Variants in RIMS2 observed in about 807,000 individuals in gnomAD.
RIMS2 encodes the protein regulating synaptic membrane exocytosis 2, also known as regulating synaptic membrane exocytosis protein 2.
A neutral mutation model predicts 174.4 loss-of-function variants in RIMS2; 59 were observed. That is an observed-to-expected ratio of 0.34 (90% CI 0.27 to 0.42). RIMS2 has a LOEUF of 0.42. Ranked by LOEUF, RIMS2 falls within the 10% of genes least tolerant of loss-of-function variation. The pLI is 1.00. For missense variants in RIMS2, 1,620 were observed against 1,666.3 expected (o/e 0.97, Z 0.48); for synonymous variants, 606 against 572.5 (o/e 1.06, Z -0.84).
intron 19 of RIMS2, among the ~76,000 whole-genome samples, chr8:104,170,346 C>G (rs2098824908): frequency 6.6e-6 from 1 of 151,992 alleles, no homozygotes; most frequent in Admixed American, 6.6e-5. Flanking sequence ...AATTTGGGAT[C>G]TCCAGCATTA....
In RIMS2 at chr8:103,728,085, A is replaced by AT. The variant is rs1448453620; in HGVS notation, c.387+30796dup. On this transcript the variant is annotated intron_variant, in intron 2 of 23. Transcript: ENST00000504942. ...GTCCATGAACATGGAATATCTTTTC[A>AT]TTTTTTTGTGTGTGTTCTCTTCAAT... 1.3e-4 allele frequency among the ~76,000 whole-genome samples: 19 copies of AT among 151,806 alleles called. No individual in the cohort carries two copies. The East Asian group carries it at 2.7e-3, about 22-fold the overall frequency.
At chr8:103,573,713 A>G (rs1296443023) in intron 1 of RIMS2, among the ~76,000 whole-genome samples, 1 of 152,062 alleles carries the variant, frequency 6.6e-6, no homozygotes, top group Admixed American at 6.6e-5. Context: ...TTGGATCCAT[A>G]TGAATTTTAG....
chr8:103,739,340 A>C (rs2097729731), intron 2 of RIMS2, among the ~76,000 whole-genome samples: 1 of 152,134 alleles, frequency 6.6e-6, no homozygotes, highest in African/African-American at 2.4e-5. Flanking sequence ...GAGAACACTT[A>C]GACACAGGAA....
intron 1 of RIMS2, among the ~76,000 whole-genome samples, chr8:103,524,540 A>G (rs1349410004): frequency 1.3e-5 from 2 of 152,222 alleles, no homozygotes; most frequent in African/African-American, 4.8e-5. Flanking sequence ...CTGCAGGAAG[A>G]CACTACTGCT....
intron 19 of RIMS2, among the ~76,000 whole-genome samples, chr8:104,051,031 G>T (rs2096776744): frequency 6.6e-6 from 1 of 152,082 alleles, no homozygotes; most frequent in Admixed American, 6.5e-5. Context: ...GCGTCCAGGA[G>T]TTTGAGACCA....
At chr8:104,242,093 A>G (rs777178659) in intron 19 of RIMS2, among the ~76,000 whole-genome samples, 12 of 152,076 alleles carry the variant, frequency 7.9e-5, no homozygotes, top group Non-Finnish European at 1.6e-4. Context: ...GGACCACTCA[A>G]ATGAAATCAT....
chr8:103,918,590 CTTG>C, intron 9 of RIMS2, 103 bp downstream of exon 12: 1 of 833,214 alleles, frequency 1.2e-6, no homozygotes, highest in Non-Finnish European at 2.1e-6. Flanking sequence ...ATATGATAAC[CTTG>C]TTATCAAGTC....
At chr8:104,179,795 T>G (rs2098929400) in intron 19 of RIMS2, among the ~76,000 whole-genome samples, 2 of 151,854 alleles carry the variant, frequency 1.3e-5, no homozygotes, top group South Asian at 4.1e-4. Context: ...CTGCTTTTAT[T>G]TTTAAAAAGT....
At chr8:103,986,074 G>C (rs60406433) in intron 16 of RIMS2, among the ~76,000 whole-genome samples, 1 of 152,166 alleles carries the variant, frequency 6.6e-6, no homozygotes, top group African/African-American at 2.4e-5. Context: ...AAATTTCTGA[G>C]AGGGTAGATT....
intron 3 of RIMS2, among the ~76,000 whole-genome samples, chr8:103,836,407 A>T (rs2098891323): frequency 6.6e-6 from 1 of 152,032 alleles, no homozygotes; most frequent in Non-Finnish European, 1.5e-5. Flanking sequence ...GAAAGAAAGA[A>T]AAAAAATAGC....
chr8:103,782,855 T>A (rs987550823), intron 3 of RIMS2, among the ~76,000 whole-genome samples: 8 of 152,230 alleles, frequency 5.3e-5, no homozygotes, highest in Non-Finnish European at 1.0e-4. Flanking sequence ...CATGGATTTT[T>A]AGCATCTCCA....
chr8:103,917,457 T>C (rs2076824154), intron 8 of RIMS2, among the ~76,000 whole-genome samples: 1 of 152,218 alleles, frequency 6.6e-6, no homozygotes. Context: ...TTTTATATTA[T>C]GGTAAAACTG....
chr8:103,698,804 C>T (rs2097136286), intron 2 of RIMS2, among the ~76,000 whole-genome samples: 1 of 152,030 alleles, frequency 6.6e-6, no homozygotes, highest in South Asian at 2.1e-4. Flanking sequence ...ACTTTTGCTT[C>T]TATATTCATG....
At chr8:103,902,784 T>C (rs1206855932) in intron 4 of RIMS2, among the ~76,000 whole-genome samples, 1 of 152,154 alleles carries the variant, frequency 6.6e-6, no homozygotes, top group East Asian at 1.9e-4. Flanking sequence ...TATTATATAA[T>C]CCTCTTAGTG....
chr8:103,542,220 CA>C (rs1429493761), intron 1 of RIMS2, among the ~76,000 whole-genome samples: 1 of 151,906 alleles, frequency 6.6e-6, no homozygotes, highest in Non-Finnish European at 1.5e-5. Context: ...AACTATACAC[CA>C]AAAAACTGGA....
chr8:104,157,168 A>C (rs1327143595), intron 19 of RIMS2, among the ~76,000 whole-genome samples: 1 of 152,196 alleles, frequency 6.6e-6, no homozygotes, highest in Admixed American at 6.5e-5. Flanking sequence ...AAGTGACTCA[A>C]GTATTGTAGA....
intron 19 of RIMS2, among the ~76,000 whole-genome samples, chr8:104,194,749 A>G (rs1300333248): frequency 6.6e-6 from 1 of 152,174 alleles, no homozygotes; most frequent in Non-Finnish European, 1.5e-5. Context: ...AATCTCAGAG[A>G]AAAGGCATCT....
intron 1 of RIMS2, among the ~76,000 whole-genome samples, chr8:103,580,932 C>A (rs1374146213): frequency 6.7e-6 from 1 of 149,692 alleles, no homozygotes; most frequent in Non-Finnish European, 1.5e-5. Flanking sequence ...TGGGTTCACG[C>A]CATTCTCCTG....
At chr8:104,221,074 A>G (rs1380740247) in intron 19 of RIMS2, among the ~76,000 whole-genome samples, 1 of 152,238 alleles carries the variant, frequency 6.6e-6, no homozygotes, top group Non-Finnish European at 1.5e-5. Context: ...TTCTCCGAGT[A>G]TAATTAGATT....
Sources: allele counts gnomAD v4.1 joint callset (sites outside exome capture counted in the v4.1 genomes callset), GRCh38; gene constraint gnomAD v4.1.1; transcripts MANE v1.5; gene names NCBI Gene and HGNC (gene_info 2026-07-23, HGNC 2026-07-21).